CSDE1: variants seen among roughly 807,000 people sequenced by gnomAD.
CSDE1 encodes the protein cold shock domain-containing protein E1.
CSDE1 carries 17 observed loss-of-function variants against 89.3 expected under a neutral mutation model. That is an observed-to-expected ratio of 0.19 (90% CI 0.13 to 0.29). The LOEUF (loss-of-function observed/expected upper bound fraction) is 0.29, where lower values mean the gene tolerates loss of function less well. Ranked by LOEUF, CSDE1 falls within the 10% of genes least tolerant of loss-of-function variation. The pLI is 1.00. For missense variants in CSDE1, 672 were observed against 984.2 expected, an observed-to-expected ratio of 0.68 and a Z score of 4.24; for synonymous variants, 322 against 332.8, an observed-to-expected ratio of 0.97 and a Z score of 0.35.
At chr1:114,729,085 A>T (rs1312305883) in intron 12 of CSDE1, among the ~76,000 whole-genome samples, 1 of 152,092 alleles carries the variant, frequency 6.6e-6, no homozygotes, top group African/African-American at 2.4e-5. Context: ...CTTTTCCTTG[A>T]AGTACAGAAC....
At position 114,717,263 on chromosome 1, in the gene CSDE1, C is replaced by G. The variant is rs750470887; in HGVS notation, c.*906G>C. 1 of 152,060 alleles carries G rather than the reference C, an allele frequency of 6.6e-6. No individual in the cohort carries two copies. Among genetic ancestry groups the G allele is most frequent in the Non-Finnish European group, 1.5e-5 (1 of 67,970 alleles). The allele number at this position is 152,060 out of a possible 1,614,324, so 9.4% of individuals were successfully genotyped here. A position where few individuals can be genotyped will look rare whatever the true frequency, so the allele number is the denominator to read the frequency against. On this transcript the variant is annotated 3_prime_UTR_variant, in exon 20 of 20. Transcript: ENST00000358528. ...TATTTTACAGGACACAGTAACCAGG[C>G]GGCTACTTATAAAAAAAAACAAGAT...
chr1:114,722,634 C>A (rs1659590492), intron 16 of CSDE1, among the ~76,000 whole-genome samples: 1 of 152,154 alleles, frequency 6.6e-6, no homozygotes, highest in Non-Finnish European at 1.5e-5. Context: ...TTGCTTTGGA[C>A]TATATCCCAC....
chr1:114,718,912 G>T, intron 18 of CSDE1, 167 bp from the exon 19 acceptor site: 1 of 696,968 alleles, frequency 1.4e-6, no homozygotes, highest in Non-Finnish European at 2.3e-6. Flanking sequence ...GTTTGTTTAT[G>T]TATTATTATC....
chr1:114,756,342 C>T (rs1337313499), intron 1 of CSDE1, among the ~76,000 whole-genome samples: 1 of 152,108 alleles, frequency 6.6e-6, no homozygotes, highest in African/African-American at 2.4e-5. Context: ...AAAAAGAAGG[C>T]CAAATATTTA....
At position 114,737,504 on chromosome 1, in the gene CSDE1, A is replaced by G; in HGVS notation, c.369T>C (p.Ser123=). ...GTTCGTAGCATACACTCCCTGTTGG[A>G]CTCTGACCCGGGGCAGCTGGAGATT... The part of the protein sequence containing the change: ...ESKSPAAPGQ[S]PTGSVCYERN... Residue 123 remains serine (S), a synonymous_variant, in exon 5 of 20, where the codon AGT becomes AGC. Coordinates refer to ENST00000358528, the MANE Select transcript of CSDE1 (RefSeq NM_001007553.3). 1.2e-6 allele frequency: 2 copies of G among 1,613,876 alleles called. No homozygotes were observed. The highest frequency in any genetic ancestry group is 1.6e-4 in the Middle Eastern group (1 of 6,062).
At chr1:114,730,767 G>A in intron 10 of CSDE1, 119 bp from the exon 11 acceptor site, 1 of 1,171,144 alleles carries the variant, frequency 8.5e-7, no homozygotes, top group Non-Finnish European at 1.2e-6. Flanking sequence ...CACAAATACT[G>A]TATCCACATT....
intron 3 of CSDE1, 110 bp downstream of exon 3, chr1:114,739,582 T>C (rs1188576692): frequency 5.7e-6 from 5 of 871,974 alleles, no homozygotes; most frequent in African/African-American, 1.7e-5. Context: ...CAACTAAAAG[T>C]CCAAAATGTT....
In CSDE1 at chr1:114,726,282, C is replaced by G; in HGVS notation, c.1569G>C (p.Val523=). The G allele has an allele frequency of 6.2e-7, 1 of 1,613,454 alleles. No individual in the cohort carries two copies. The highest frequency in any genetic ancestry group is 1.1e-5 in the South Asian group (1 of 90,844). Residue 523 remains valine (V), a synonymous_variant, in exon 14 of 20, where the codon GTG becomes GTC. Transcript: ENST00000358528. The part of the protein sequence containing the change: ...NSNSKRLLGY[V]ATLKDNFGFI... ...ATCCAAAATTATCCTTCAGAGTTGC[C>G]ACATAACCCAAGAGCCTCTTGGAGT...
chr1:114,720,320 T>G, intron 17 of CSDE1: 1 of 473,046 alleles, frequency 2.1e-6, no homozygotes, highest in Non-Finnish European at 3.7e-6. Context: ...TGCATAATAT[T>G]AGTTACTAAT....
At chr1:114,745,484 T>C (rs1314318616) in intron 2 of CSDE1, among the ~76,000 whole-genome samples, 4 of 152,182 alleles carry the variant, frequency 2.6e-5, no homozygotes, top group African/African-American at 9.7e-5. Flanking sequence ...GAAAATCTAA[T>C]GTTCACAGAT....
chr1:114,737,665 T>C (rs1660478198), intron 4 of CSDE1, 102 bp from the exon 5 acceptor site: 2 of 838,922 alleles, frequency 2.4e-6, no homozygotes, highest in Non-Finnish European at 3.8e-6. Context: ...TATACAGGGA[T>C]GCATTTTAAT....
chr1:114,736,093 T>C (rs1219941074), intron 6 of CSDE1, among the ~76,000 whole-genome samples: 1 of 152,172 alleles, frequency 6.6e-6, no homozygotes, highest in Non-Finnish European at 1.5e-5. Context: ...AAAACAGTAT[T>C]TGGGACTCCC....
Position 114,741,532 on chromosome 1 carries a change from T to C in CSDE1, c.1-1642A>G, listed in dbSNP as rs1156396112. The C allele has an allele frequency of 3.2e-6, 5 of 1,546,850 alleles. No homozygotes were observed. In the Admixed American group the frequency reaches 7.9e-5, roughly 24 times the overall value. ...TGACTGCTTTCCTGACTTACAGATC[T>C]CTGATAAGTTGGGGTCCTCTTTTGT... On this transcript the variant is annotated intron_variant, in intron 2 of 19. Coordinates refer to ENST00000358528, the MANE Select transcript of CSDE1 (RefSeq NM_001007553.3).
intron 12 of CSDE1, among the ~76,000 whole-genome samples, chr1:114,728,561 G>A (rs967446915): frequency 6.6e-6 from 1 of 152,122 alleles, no homozygotes; most frequent in Non-Finnish European, 1.5e-5. Context: ...GGCAGGGAAA[G>A]TCTCACACAA....
intron 2 of CSDE1, among the ~76,000 whole-genome samples, chr1:114,744,437 C>T (rs1660904267): frequency 6.6e-6 from 1 of 151,908 alleles, no homozygotes; most frequent in Non-Finnish European, 1.5e-5. Flanking sequence ...AAAAATTAGC[C>T]AAAATTAGCT....
rs1050250007 is a variant in CSDE1, at chr1:114,754,757, T to G, written c.-388+3168A>C. ...GTTGAGTAAAAATAAAAAATCAAAC[T>G]GACACAACTATCTTTTTGTATCTGT... On this transcript the variant is annotated intron_variant, in intron 1 of 19. Transcript: ENST00000358528. Among the ~76,000 whole-genome samples, 24 of 152,208 alleles carry G rather than the reference T, an allele frequency of 1.6e-4. 1 individual carries two copies. The highest frequency in any genetic ancestry group is 5.9e-5 in the Non-Finnish European group (4 of 68,032).
chr1:114,741,898 T>C (rs1660745583), intron 2 of CSDE1, among the ~76,000 whole-genome samples: 1 of 152,168 alleles, frequency 6.6e-6, no homozygotes, highest in African/African-American at 2.4e-5. Flanking sequence ...ACAAAGACTC[T>C]TGATGGTTGT....
intron 2 of CSDE1, chr1:114,746,545 T>C (rs1161574171): frequency 6.6e-6 from 1 of 152,188 alleles, no homozygotes; most frequent in Non-Finnish European, 1.5e-5. Flanking sequence ...TCTCCTACCT[T>C]AACACCTGTC....
At chr1:114,731,338 C>A (rs1441024594) in intron 10 of CSDE1, among the ~76,000 whole-genome samples, 1 of 149,606 alleles carries the variant, frequency 6.7e-6, no homozygotes. Flanking sequence ...TGACAGTAGC[C>A]AAGTTATATT....
Sources: gnomAD v4.1 joint callset for allele counts (sites outside exome capture counted in the v4.1 genomes callset) on GRCh38, gnomAD v4.1.1 for gene constraint, MANE v1.5 for transcripts, NCBI Gene and HGNC (gene_info 2026-07-23, HGNC 2026-07-21) for gene names.